EXOC6B: variants seen among roughly 807,000 people sequenced by gnomAD.
EXOC6B encodes the protein SEC15 homolog B.
A neutral mutation model predicts 113.5 loss-of-function variants in EXOC6B; 54 were observed. The ratio of observed to expected loss-of-function variants is 0.48; its 90% CI spans 0.38 to 0.60. The LOEUF (loss-of-function observed/expected upper bound fraction) is 0.60. EXOC6B is among the 20% of genes least tolerant of loss of function. The probability of loss-of-function intolerance (pLI) is 0.00; values close to 1 mark genes in which losing one functional copy is unlikely to be tolerated. For missense variants in EXOC6B, 797 were observed against 977.5 expected (o/e 0.82, Z 2.46); for synonymous variants, 357 against 339.0 (o/e 1.05, Z -0.58).
chr2:72,632,619 T>C (rs994989871), intron 6 of EXOC6B, among the ~76,000 whole-genome samples: 1 of 152,200 alleles, frequency 6.6e-6, no homozygotes, highest in African/African-American at 2.4e-5. Context: ...ATAAAAGTAA[T>C]GTTTGCATGG....
chr2:72,795,437 G>A (rs985409320), intron 1 of EXOC6B, among the ~76,000 whole-genome samples: 17 of 152,054 alleles, frequency 1.1e-4, no homozygotes, highest in Non-Finnish European at 1.6e-4. Context: ...TTAGCCGGGC[G>A]TTGTGACGGG....
At chr2:72,759,813 G>T (rs1287116600) in intron 1 of EXOC6B, among the ~76,000 whole-genome samples, 2 of 152,140 alleles carry the variant, frequency 1.3e-5, no homozygotes, top group Non-Finnish European at 2.9e-5. Flanking sequence ...CCAGGAAATA[G>T]AAAAAGCCAC....
At chr2:72,504,036 T>G (rs1204985408) in intron 11 of EXOC6B, among the ~76,000 whole-genome samples, 1 of 151,828 alleles carries the variant, frequency 6.6e-6, no homozygotes, top group Non-Finnish European at 1.5e-5. Flanking sequence ...CGCTCTAGAG[T>G]AGCTGGGACC....
At chr2:72,448,345 T>C (rs1470467969) in intron 18 of EXOC6B, among the ~76,000 whole-genome samples, 1 of 152,184 alleles carries the variant, frequency 6.6e-6, no homozygotes, top group East Asian at 1.9e-4. Context: ...ACACATCTCA[T>C]TCTCTAAGTA....
At chr2:72,780,861 G>C (rs1172962434) in intron 1 of EXOC6B, among the ~76,000 whole-genome samples, 1 of 152,078 alleles carries the variant, frequency 6.6e-6, no homozygotes, top group African/African-American at 2.4e-5. Context: ...ATCTGAGGTT[G>C]CTATTAAGCA....
At position 72,825,982 on chromosome 2, in the gene EXOC6B, TCCC is replaced by T; in HGVS notation, c.-75_-73del. On this transcript the variant is annotated 5_prime_UTR_variant, in exon 1 of 22. Transcript: ENST00000272427. This position sits in a 1 kb window ranked among gnomAD's most constrained non-coding sequence, Gnocchi z 4.4. ...CCTTTTCCCTGCCCCACAATGCCGC[TCCC>T]ACCACAGGCTCCACAGCCGCCCCAG... The T allele has an allele frequency of 6.4e-7, 1 of 1,564,502 alleles. No homozygotes were observed. The highest frequency in any genetic ancestry group is 8.6e-7 in the Non-Finnish European group (1 of 1,158,928).
intron 1 of EXOC6B, among the ~76,000 whole-genome samples, chr2:72,802,180 C>T (rs377539397): frequency 6.6e-6 from 1 of 151,936 alleles, no homozygotes; most frequent in African/African-American, 2.4e-5. Context: ...AAAAAAATAG[C>T]CGGGCATGGT....
At chr2:72,610,337 C>G (rs1671003008) in intron 6 of EXOC6B, among the ~76,000 whole-genome samples, 1 of 152,162 alleles carries the variant, frequency 6.6e-6, no homozygotes, top group Non-Finnish European at 1.5e-5. Flanking sequence ...TACTTTTGCA[C>G]CAATCTAACA....
At chr2:72,328,525 G>A (rs1688262837) in intron 20 of EXOC6B, among the ~76,000 whole-genome samples, 1 of 152,096 alleles carries the variant, frequency 6.6e-6, no homozygotes, top group Admixed American at 6.6e-5. Flanking sequence ...AAAGGTAAGG[G>A]CCTGTTTTAT....
chr2:72,249,960 T>C (rs1682903922), intron 20 of EXOC6B, among the ~76,000 whole-genome samples: 1 of 152,196 alleles, frequency 6.6e-6, no homozygotes, highest in South Asian at 2.1e-4. Context: ...CAATCCTGAT[T>C]TACTCATTAG....
intron 20 of EXOC6B, among the ~76,000 whole-genome samples, chr2:72,201,981 T>C (rs536942813): frequency 3.3e-5 from 5 of 152,330 alleles, no homozygotes; most frequent in African/African-American, 1.2e-4. Flanking sequence ...GAAAGCTTGG[T>C]ATCATTCTCA....
chr2:72,751,691 G>A (rs1485839810), intron 1 of EXOC6B, among the ~76,000 whole-genome samples: 2 of 152,052 alleles, frequency 1.3e-5, no homozygotes, highest in African/African-American at 2.4e-5. Flanking sequence ...TAACTAGGAG[G>A]TGTATATATA....
At chr2:72,698,289 G>T (rs1316407540) in intron 6 of EXOC6B, among the ~76,000 whole-genome samples, 12 of 152,212 alleles carry the variant, frequency 7.9e-5, no homozygotes, top group African/African-American at 2.7e-4. Flanking sequence ...GGTGGAGACA[G>T]ATAATTAAGG....
intron 20 of EXOC6B, among the ~76,000 whole-genome samples, chr2:72,251,753 C>G (rs762619209): frequency 1.3e-5 from 2 of 152,152 alleles, no homozygotes; most frequent in Admixed American, 6.5e-5. Context: ...CCTTTTGGAA[C>G]TTTATCCATT....
chr2:72,798,340 G>A (rs1685087901), intron 1 of EXOC6B, among the ~76,000 whole-genome samples: 1 of 151,196 alleles, frequency 6.6e-6, no homozygotes, highest in East Asian at 1.9e-4. Context: ...CAAACTCATA[G>A]TCACCTTAAC....
intron 20 of EXOC6B, among the ~76,000 whole-genome samples, chr2:72,264,748 C>T (rs907143293): frequency 5.9e-5 from 9 of 151,862 alleles, no homozygotes; most frequent in Admixed American, 4.6e-4. Context: ...GTGAGTCTCA[C>T]GAGATCTGAT....
At position 72,514,985 on chromosome 2, in the gene EXOC6B, C is replaced by A; in HGVS notation, c.999+58G>T. 2.1e-6 allele frequency: 3 copies of A among 1,422,890 alleles called. No homozygotes were observed. In the East Asian group the frequency reaches 7.4e-5, roughly 35 times the overall value. The allele number at this position is 1,422,890 out of a possible 1,614,324, so 88.1% of individuals were successfully genotyped here. The stretch of plus-strand genomic sequence containing the variant: ...CACACACACACACACACACACGCAT[C>A]AAAAGACATCAAGGAGGAAAAGTAA... On this transcript the variant is annotated intron_variant, in intron 9 of 21. Transcript: ENST00000272427.
chr2:72,465,099 A>C, intron 18 of EXOC6B, 61 bp downstream of exon 18: 1 of 1,434,834 alleles, frequency 7.0e-7, no homozygotes, highest in Non-Finnish European at 9.6e-7. Context: ...ATCTTTCACC[A>C]AACTAAATTA....
At chr2:72,774,494 T>C (rs557036289) in intron 1 of EXOC6B, among the ~76,000 whole-genome samples, 1 of 152,300 alleles carries the variant, frequency 6.6e-6, no homozygotes, top group South Asian at 2.1e-4. Flanking sequence ...GCAAAAATAT[T>C]TTTGAAGTTA....
Sources: allele counts gnomAD v4.1 joint callset (sites outside exome capture counted in the v4.1 genomes callset), GRCh38; gene constraint gnomAD v4.1.1; non-coding constraint Gnocchi (gnomAD v3.1); transcripts MANE v1.5; gene names NCBI Gene and HGNC (gene_info 2026-07-23, HGNC 2026-07-21).